The following KLRG1 variants were observed in gnomAD, a reference collection of about 807,000 sequenced individuals.
KLRG1 encodes killer cell lectin like receptor G1.
A neutral mutation model predicts 21.8 loss-of-function variants in KLRG1; 16 were observed. That is an observed-to-expected ratio of 0.73 (90% CI 0.50 to 1.11). The LOEUF (loss-of-function observed/expected upper bound fraction) is 1.11, where lower values mean the gene tolerates loss of function less well. KLRG1 is among the 50% of genes most tolerant of loss of function. The pLI is 0.00. For missense variants in KLRG1, 173 were observed against 218.3 expected, an observed-to-expected ratio of 0.79 and a Z score of 1.31; for synonymous variants, 69 against 75.9, an observed-to-expected ratio of 0.91 and a Z score of 0.47.
chr12:9,153,047 AG>A, the KLRG1 span: 1 of 1,604,312 alleles, frequency 6.2e-7, no homozygotes, highest in South Asian at 1.1e-5. Flanking sequence ...TTACTTTCCC[AG>A]GAAGGAAGGA....
At chr12:9,033,475 C>T in the KLRG1 span, among the ~76,000 whole-genome samples, 1 of 151,816 alleles carries the variant, frequency 6.6e-6, no homozygotes, top group African/African-American at 2.4e-5. Flanking sequence ...GGGTATTTCC[C>T]CTCCCACCCT....
chr12:9,096,417 A>G, the KLRG1 span, among the ~76,000 whole-genome samples: 1 of 152,202 alleles, frequency 6.6e-6, no homozygotes, highest in Non-Finnish European at 1.5e-5. Context: ...GTGGTGAGCA[A>G]CTGACTCAGT....
At chr12:9,091,502 G>T in the KLRG1 span, 2 of 1,463,512 alleles carry the variant, frequency 1.4e-6, no homozygotes, top group Non-Finnish European at 1.9e-6. Context: ...GAATCCCTAG[G>T]AATGATTCTA....
intron 1 of KLRG1, among the ~76,000 whole-genome samples, chr12:8,959,710 T>A (rs1021331141): frequency 2.6e-5 from 4 of 152,236 alleles, no homozygotes; most frequent in African/African-American, 9.6e-5. Flanking sequence ...TTAATTTTTT[T>A]CAGCAATGTT....
the KLRG1 span, among the ~76,000 whole-genome samples, chr12:9,097,728 G>A: frequency 3.3e-5 from 5 of 150,626 alleles, no homozygotes; most frequent in South Asian, 6.3e-4. Context: ...TGCCTCCTGG[G>A]TTCAAGTGAT....
At chr12:9,079,258 G>C in the KLRG1 span, 2 of 1,613,452 alleles carry the variant, frequency 1.2e-6, no homozygotes, top group African/African-American at 2.7e-5. Context: ...TGTTGCCCTG[G>C]TTCCTGCCAT....
chr12:9,135,479 G>T, the KLRG1 span: 1 of 368,578 alleles, frequency 2.7e-6, no homozygotes, highest in South Asian at 2.7e-5. Context: ...GCAGGGGGTA[G>T]CACTCAAAAC....
At chr12:9,095,452 C>T in the KLRG1 span, 3 of 1,302,354 alleles carry the variant, frequency 2.3e-6, no homozygotes, top group East Asian at 7.1e-5. Context: ...TCAACTAGGA[C>T]ATGAAGGCAT....
At chr12:8,955,148 C>T (rs1205859803) in intron 1 of KLRG1, among the ~76,000 whole-genome samples, 4 of 152,074 alleles carry the variant, frequency 2.6e-5, no homozygotes, top group Non-Finnish European at 5.9e-5. Context: ...AACTCCTGAC[C>T]TTGTGCCGCC....
chr12:9,169,611 A>T, the KLRG1 span: 1 of 1,574,126 alleles, frequency 6.4e-7, no homozygotes, highest in Non-Finnish European at 8.6e-7. Flanking sequence ...TGGGGGGATC[A>T]AAGGCAGAAC....
chr12:9,069,953 A>T, the KLRG1 span: 1 of 675,376 alleles, frequency 1.5e-6, no homozygotes, highest in Non-Finnish European at 2.5e-6. Context: ...ATATAATGTA[A>T]TACAATTAAA....
At chr12:8,985,564 A>G (rs1380056468), upstream of KLRG1, among the ~76,000 whole-genome samples, 2 of 152,244 alleles carry the variant, frequency 1.3e-5, no homozygotes, top group Non-Finnish European at 2.9e-5. Flanking sequence ...CTGACCAATA[A>G]GCTTCAAGTT....
At chr12:9,128,338 C>G in the KLRG1 span, 1 of 160,518 alleles carries the variant, frequency 6.2e-6, no homozygotes, top group African/African-American at 2.4e-5. Flanking sequence ...GCTGGCCACA[C>G]GGAGCAGCTC....
the KLRG1 span, among the ~76,000 whole-genome samples, chr12:9,195,113 G>T: frequency 6.6e-6 from 1 of 151,940 alleles, no homozygotes; most frequent in Non-Finnish European, 1.5e-5. Flanking sequence ...AGCAAAAAAA[G>T]GACAAATATT....
At chr12:9,020,978 A>G in the KLRG1 span, among the ~76,000 whole-genome samples, 1 of 152,224 alleles carries the variant, frequency 6.6e-6, no homozygotes, top group Non-Finnish European at 1.5e-5. Context: ...TAGGCTGCAA[A>G]CCTGCACAGC....
chr12:9,120,170 A>C, the KLRG1 span, among the ~76,000 whole-genome samples: 2 of 152,188 alleles, frequency 1.3e-5, no homozygotes, highest in East Asian at 3.9e-4. Flanking sequence ...CATCTATTTC[A>C]TCTCTGTTCT....
chr12:9,163,265 A>G, the KLRG1 span, among the ~76,000 whole-genome samples: 1 of 147,328 alleles, frequency 6.8e-6, no homozygotes, highest in Non-Finnish European at 1.5e-5. Flanking sequence ...ATCCTGGCTA[A>G]CATGGTGAAA....
chr12:8,992,665 G>T (rs1457673945), intron 2 of KLRG1, among the ~76,000 whole-genome samples: 1 of 151,848 alleles, frequency 6.6e-6, no homozygotes, highest in East Asian at 1.9e-4. Flanking sequence ...GGGACCACAG[G>T]CACATACCAC....
the KLRG1 span, among the ~76,000 whole-genome samples, chr12:9,041,444 G>T: frequency 1.3e-5 from 2 of 152,160 alleles, no homozygotes; most frequent in Admixed American, 1.3e-4. Flanking sequence ...AGGATTTTTT[G>T]CCATGTGTCC....
Sources: allele counts gnomAD v4.1 joint callset (sites outside exome capture counted in the v4.1 genomes callset), GRCh38; gene constraint gnomAD v4.1.1; transcripts MANE v1.5; gene names NCBI Gene and HGNC (gene_info 2026-07-23, HGNC 2026-07-21).